Variants in CAMSAP1 observed in about 807,000 individuals in gnomAD.
CAMSAP1 encodes the protein calmodulin regulated spectrin associated protein 1.
In CAMSAP1, 58 loss-of-function variants were observed where a neutral mutation model predicts 143.5. The observed-to-expected ratio is 0.40, with a 90% confidence interval of 0.33 to 0.50. CAMSAP1 has a LOEUF of 0.50. CAMSAP1 is among the 20% of genes least tolerant of loss of function. The probability of loss-of-function intolerance (pLI) is 0.45; values close to 1 mark genes in which losing one functional copy is unlikely to be tolerated. For missense variants in CAMSAP1, 1,969 were observed against 2,115.7 expected (o/e 0.93, Z 1.36); for synonymous variants, 945 against 859.3 (o/e 1.10, Z -1.74).
intron 1 of CAMSAP1, among the ~76,000 whole-genome samples, chr9:135,889,578 G>A (rs974335093): frequency 2.0e-5 from 3 of 152,216 alleles, no homozygotes; most frequent in African/African-American, 7.2e-5. Flanking sequence ...CGGAGCAGAG[G>A]CCACGTGCTG....
intron 15 of CAMSAP1, 70 bp downstream of exon 15, chr9:135,815,820 T>C: frequency 1.6e-6 from 2 of 1,224,472 alleles, no homozygotes; most frequent in Non-Finnish European, 1.2e-6. Flanking sequence ...AGAGAACAGA[T>C]ATTGAAAGAG....
At chr9:135,851,460 A>T (rs1233291089) in intron 5 of CAMSAP1, among the ~76,000 whole-genome samples, 2 of 152,190 alleles carry the variant, frequency 1.3e-5, no homozygotes, top group East Asian at 3.9e-4. Flanking sequence ...TTCCTTTTGT[A>T]CAGTTCTGAC....
Position 135,877,336 on chromosome 9 carries a change from T to C in CAMSAP1, c.585+4297A>G, listed in dbSNP as rs533677706. 3.3e-5 allele frequency among the ~76,000 whole-genome samples: 5 copies of C among 151,262 alleles called. No individual in the cohort carries two copies. In the East Asian group the frequency reaches 9.7e-4, roughly 29 times the overall value. On this transcript the variant is annotated intron_variant, in intron 3 of 16. Transcript: ENST00000389532. Reference sequence around the variant, plus strand: ...ATGGCAGATGAGTAGTTACCTGCATTGGGGTAGAGGATTAACTGCAAAGCA... The same window carrying C: ...ATGGCAGATGAGTAGTTACCTGCATCGGGGTAGAGGATTAACTGCAAAGCA...
intron 14 of CAMSAP1, 96 bp from the exon 15 acceptor site, chr9:135,816,101 A>G: frequency 9.0e-7 from 1 of 1,113,230 alleles, no homozygotes. Context: ...GACAGGAAGC[A>G]CATCAGCAGG....
chr9:135,877,007 T>TA (rs1034536370), intron 3 of CAMSAP1, among the ~76,000 whole-genome samples: 137 of 151,932 alleles, frequency 9.0e-4, no homozygotes, highest in Middle Eastern at 6.8e-3. Context: ...AGACTACATC[T>TA]AAAAAAAGAA....
chr9:135,820,627 C>T lies in CAMSAP1; in HGVS notation c.3822+212G>A, dbSNP rs9696539. ...ACAAAGTCGTCTCAGCCACACCACG[C>T]TCACTTGCATGCGTATTGCCCGGGA... On this transcript the variant is annotated intron_variant, in intron 11 of 16. Coordinates refer to ENST00000389532, the MANE Select transcript of CAMSAP1 (RefSeq NM_015447.4). This position sits in a 1 kb window ranked among gnomAD's most constrained non-coding sequence, Gnocchi z 4.4. Among the ~76,000 whole-genome samples the T allele has an allele frequency of 0.16, 23,711 of 152,106 alleles. 2,413 individuals are homozygous for T. The highest frequency in any genetic ancestry group is 0.34 in the East Asian group (1,767 of 5,150).
chr9:135,904,165 C>T (rs1175894911), intron 1 of CAMSAP1, among the ~76,000 whole-genome samples: 1 of 151,598 alleles, frequency 6.6e-6, no homozygotes, highest in African/African-American at 2.4e-5. Context: ...CCCAGGAGTT[C>T]GAAACTAGCC....
rs779247727 is a variant in CAMSAP1 at position 135,809,804 on chromosome 9, T to C, written c.*1505A>G. The C allele has an allele frequency of 1.3e-5, 2 of 152,460 alleles. No homozygotes were observed. Among genetic ancestry groups the C allele is most frequent in the African/African-American group, 4.8e-5 (2 of 41,394 alleles). 9.4% of individuals were successfully genotyped at this position (152,460 alleles called of 1,614,324 possible). A position where few individuals can be genotyped will look rare whatever the true frequency, so the allele number is the denominator to read the frequency against. On this transcript the variant is annotated 3_prime_UTR_variant, in exon 17 of 17. Coordinates refer to ENST00000389532, the MANE Select transcript of CAMSAP1 (RefSeq NM_015447.4). ...TGTGTCGAACACGATATATACAAAATCGCAAGAGACTGTACTTCTCTTCAA... is the reference window on the plus strand; with the variant it reads ...TGTGTCGAACACGATATATACAAAACCGCAAGAGACTGTACTTCTCTTCAA...
At chr9:135,852,413 C>T (rs779987505) in intron 5 of CAMSAP1, among the ~76,000 whole-genome samples, 16 of 152,168 alleles carry the variant, frequency 1.1e-4, no homozygotes, top group African/African-American at 2.4e-5. Flanking sequence ...CATCTCTACA[C>T]GAACATCATA....
chr9:135,857,093 CA>C (rs1837005614), intron 5 of CAMSAP1, among the ~76,000 whole-genome samples: 1 of 152,208 alleles, frequency 6.6e-6, no homozygotes, highest in South Asian at 2.1e-4. Context: ...TCCTCTTTCC[CA>C]GGGGTTCCGG....
intron 7 of CAMSAP1, among the ~76,000 whole-genome samples, chr9:135,837,362 C>T (rs1004092775): frequency 2.0e-4 from 30 of 150,868 alleles, no homozygotes; most frequent in African/African-American, 6.1e-4. Context: ...CACTTTCTAC[C>T]GGTTCTACAG....
At position 135,818,901 on chromosome 9, in the gene CAMSAP1, C is replaced by T; in HGVS notation, c.3959+109G>A. 6.7e-7 allele frequency: 1 copy of T among 1,483,200 alleles called. No individual in the cohort carries two copies. The highest frequency in any genetic ancestry group is 9.1e-7 in the Non-Finnish European group (1 of 1,103,892). 91.9% of individuals were successfully genotyped at this position (1,483,200 alleles called of 1,614,324 possible). On this transcript the variant is annotated intron_variant, in intron 12 of 16. Transcript: ENST00000389532. The surrounding 1 kb of genome is among the most constrained non-coding windows in gnomAD (Gnocchi z 7.7). ...GTCCATGGGAGGAGTAAGACCGTCACAGGCACTCATTGCCATGGTCCATGC... is the reference window on the plus strand; with the variant it reads ...GTCCATGGGAGGAGTAAGACCGTCATAGGCACTCATTGCCATGGTCCATGC...
chr9:135,837,064 C>A (rs1836085838), intron 7 of CAMSAP1: 1 of 619,226 alleles, frequency 1.6e-6, no homozygotes, highest in Non-Finnish European at 2.0e-6. Context: ...CATGCCCGTT[C>A]TACAGACACA....
chr9:135,839,484 G>A (rs1424157207), intron 7 of CAMSAP1, among the ~76,000 whole-genome samples: 1 of 152,176 alleles, frequency 6.6e-6, no homozygotes, highest in Non-Finnish European at 1.5e-5. Context: ...ATCAGTGGAG[G>A]GAGAACATGC....
intron 16 of CAMSAP1, among the ~76,000 whole-genome samples, chr9:135,814,127 T>C (rs1317767729): frequency 6.6e-6 from 1 of 152,184 alleles, no homozygotes; most frequent in Non-Finnish European, 1.5e-5. Flanking sequence ...TGTGGAAATC[T>C]AAGCAGGAAG....
intron 3 of CAMSAP1, among the ~76,000 whole-genome samples, chr9:135,872,666 C>T (rs1367600579): frequency 6.6e-6 from 1 of 152,192 alleles, no homozygotes; most frequent in African/African-American, 2.4e-5. Flanking sequence ...AGGAATGAAA[C>T]ATACACCGTG....
At chr9:135,878,548 C>T (rs1837828063) in intron 3 of CAMSAP1, among the ~76,000 whole-genome samples, 2 of 152,224 alleles carry the variant, frequency 1.3e-5, no homozygotes, top group East Asian at 1.9e-4. Flanking sequence ...TTATGGAAAT[C>T]GTACCAACAG....
In CAMSAP1 at chr9:135,824,670, C is replaced by T; in HGVS notation, c.1315+119G>A. The T allele has an allele frequency of 1.3e-6, 1 of 774,884 alleles. No homozygotes were observed. Among genetic ancestry groups the T allele is most frequent in the South Asian group, 2.1e-5 (1 of 48,722 alleles). 48.0% of individuals were successfully genotyped at this position (774,884 alleles called of 1,614,324 possible). The stretch of plus-strand genomic sequence containing the variant: ...CAGAGCAAGACTCCATCTCAAAAAA[C>T]AAACAAACAAACAAAAAAATCACTA... On this transcript the variant is annotated intron_variant, in intron 9 of 16. Transcript: ENST00000389532. This position sits in a 1 kb window ranked among gnomAD's most constrained non-coding sequence, Gnocchi z 4.1.
At chr9:135,884,370 G>A (rs1020094200) in intron 1 of CAMSAP1, among the ~76,000 whole-genome samples, 2 of 152,166 alleles carry the variant, frequency 1.3e-5, no homozygotes, top group Admixed American at 1.3e-4. Flanking sequence ...TCTCTCTGCT[G>A]CCATCTCTTC....
Sources: gnomAD v4.1 joint callset for allele counts (sites outside exome capture counted in the v4.1 genomes callset) on GRCh38, gnomAD v4.1.1 for gene constraint, Gnocchi (gnomAD v3.1) non-coding constraint, MANE v1.5 for transcripts, NCBI Gene and HGNC (gene_info 2026-07-23, HGNC 2026-07-21) for gene names.